Variants in GOLGA5 observed in about 807,000 individuals in gnomAD.
GOLGA5 encodes the protein golgin subfamily A member 5.
Under a neutral mutation model 93.5 loss-of-function variants are expected in GOLGA5, and 50 were observed. The observed-to-expected ratio is 0.53, with a 90% CI of 0.43 to 0.68. The LOEUF (loss-of-function observed/expected upper bound fraction) is 0.68. Among genes scored for constraint, GOLGA5 ranks in the 30% least tolerant of loss-of-function variants. The probability of loss-of-function intolerance (pLI) is 0.00; values close to 1 mark genes in which losing one functional copy is unlikely to be tolerated. For synonymous variants in GOLGA5, 312 were observed against 304.5 expected, an observed-to-expected ratio of 1.02 and a Z score of -0.26; for missense variants, 760 against 856.4, an observed-to-expected ratio of 0.89 and a Z score of 1.40.
In GOLGA5 at chr14:92,824,630, A is replaced by G; in HGVS notation, c.1705A>G (p.Lys569Glu). ...RIKDRDEEIQ[K>E]LRNQLTNKTL... ...TAAAGATCGAGACGAAGAAATTCAA[A>G]AACTCAGGAATCAGGTATGAATCAC... Residue 569 changes from lysine to glutamate, a missense_variant, in exon 9 of 13, where the codon AAA becomes GAA. Transcript: ENST00000163416. 1 of 1,572,884 alleles carries G rather than the reference A, an allele frequency of 6.4e-7. No homozygotes were observed. Among genetic ancestry groups the G allele is most frequent in the Non-Finnish European group, 8.7e-7 (1 of 1,144,856 alleles).
intron 4 of GOLGA5, 22 bp downstream of exon 4, chr14:92,809,541 GA>G (rs1371924197): frequency 4.2e-6 from 6 of 1,435,692 alleles, no homozygotes; most frequent in South Asian, 1.2e-5. Context: ...TATGAATAAT[GA>G]AAAAAATGAG....
rs116471373 is a variant in GOLGA5, at chr14:92,838,880, C to T, written c.2116-486C>T. Among the ~76,000 whole-genome samples, 327 of 152,174 alleles carry T rather than the reference C, an allele frequency of 2.1e-3. 2 individuals carry two copies. Among genetic ancestry groups the T allele is most frequent in the African/African-American group, 7.3e-3 (304 of 41,534 alleles). ...TTAGTGATGGAATCTCGTATCATTT[C>T]GGTACTACCATGAGGGAATTAAATT... On this transcript the variant is annotated intron_variant, in intron 12 of 12. Transcript: ENST00000163416.
chr14:92,818,286 C>T (rs998069835), intron 7 of GOLGA5, among the ~76,000 whole-genome samples: 14 of 152,166 alleles, frequency 9.2e-5, no homozygotes, highest in Admixed American at 9.2e-4. Flanking sequence ...ACGTATGTTC[C>T]AGATACTGCA....
In GOLGA5 at chr14:92,824,893, C is replaced by T. The variant is rs1405331076; in HGVS notation, c.1719+249C>T. The stretch of plus-strand genomic sequence containing the variant: ...AAGTCACGAAGTAGATGAGAATTAC[C>T]CCGAAATTTCAGACCTTTGACATCA... On this transcript the variant is annotated intron_variant, in intron 9 of 12. Coordinates refer to ENST00000163416, the MANE Select transcript of GOLGA5 (RefSeq NM_005113.4). 5.3e-5 allele frequency among the ~76,000 whole-genome samples: 8 copies of T among 152,140 alleles called. 1 individual carries two copies. The Middle Eastern group carries it at 0.01, about 194-fold the overall frequency.
intron 6 of GOLGA5, 23 bp from the exon 7 acceptor site, chr14:92,816,228 A>G (rs746481662): frequency 1.3e-6 from 2 of 1,537,620 alleles, no homozygotes; most frequent in Non-Finnish European, 1.8e-6. Context: ...CTTTGCTTAA[A>G]CATATTTCTT....
intron 2 of GOLGA5, among the ~76,000 whole-genome samples, chr14:92,803,915 T>C (rs1884927667): frequency 6.6e-6 from 1 of 152,212 alleles, no homozygotes; most frequent in Non-Finnish European, 1.5e-5. Flanking sequence ...TTGATAGATT[T>C]CAGTATCTTG....
chr14:92,814,883 T>G (rs1885172067), intron 6 of GOLGA5, among the ~76,000 whole-genome samples: 1 of 152,194 alleles, frequency 6.6e-6, no homozygotes, highest in African/African-American at 2.4e-5. Context: ...TTGTAGGCTA[T>G]GTTGGCTACC....
At chr14:92,827,523 C>T (rs1885447497) in intron 9 of GOLGA5, among the ~76,000 whole-genome samples, 1 of 152,200 alleles carries the variant, frequency 6.6e-6, no homozygotes, top group Non-Finnish European at 1.5e-5. Context: ...TCTCCTCAGG[C>T]CTTTCTAGTC....
chr14:92,798,793 G>A (rs1400336395), intron 2 of GOLGA5, among the ~76,000 whole-genome samples: 1 of 152,162 alleles, frequency 6.6e-6, no homozygotes, highest in Non-Finnish European at 1.5e-5. Flanking sequence ...GTGCATGCCT[G>A]TAGTCTCAGC....
chr14:92,837,797 C>T (rs912038431), intron 12 of GOLGA5, among the ~76,000 whole-genome samples: 4 of 152,064 alleles, frequency 2.6e-5, no homozygotes, highest in African/African-American at 4.8e-5. Context: ...CTTCTGGGCT[C>T]GAGTGATCCT....
chr14:92,822,112 A>G (rs940749119), intron 8 of GOLGA5, among the ~76,000 whole-genome samples: 2 of 152,230 alleles, frequency 1.3e-5, no homozygotes, highest in Non-Finnish European at 2.9e-5. Flanking sequence ...AGTAACACCA[A>G]CCTTAAGTTT....
Position 92,806,295 on chromosome 14 carries a change from T to G in GOLGA5, c.545-441T>G, listed in dbSNP as rs943093686. On this transcript the variant is annotated intron_variant, in intron 2 of 12. Transcript: ENST00000163416. The stretch of plus-strand genomic sequence containing the variant: ...AATGAAATTTAATCAGAGGGAAGAC[T>G]ATTGAAAATTTGTTTATTTATGTAT... 9.2e-5 allele frequency among the ~76,000 whole-genome samples: 14 copies of G among 152,292 alleles called. 1 individual carries two copies. The highest frequency in any genetic ancestry group is 3.1e-4 in the African/African-American group (13 of 41,568).
At chr14:92,814,261 G>A (rs1885158915) in intron 6 of GOLGA5, among the ~76,000 whole-genome samples, 1 of 152,108 alleles carries the variant, frequency 6.6e-6, no homozygotes, top group East Asian at 1.9e-4. Flanking sequence ...GCCTGCAAAA[G>A]AAAAATACTG....
chr14:92,806,783 T>G lies in GOLGA5; in HGVS notation c.592T>G (p.Ser198Ala). ...TAGCCATGAAGGTCAAGAGGAATCTTCAAAGGAAAATGTGTCATCAAATGC... is the reference window on the plus strand; with the variant it reads ...TAGCCATGAAGGTCAAGAGGAATCTGCAAAGGAAAATGTGTCATCAAATGC... Reference protein sequence around the residue: ...DSSHEGQEESSKENVSSNAAC... With the variant: ...DSSHEGQEESAKENVSSNAAC... Residue 198 changes from serine (S) to alanine (A), a missense_variant, in exon 3 of 13, where the codon TCA becomes GCA. Transcript: ENST00000163416. The G allele has an allele frequency of 6.2e-7, 1 of 1,614,020 alleles. No individual in the cohort carries two copies. The highest frequency in any genetic ancestry group is 8.5e-7 in the Non-Finnish European group (1 of 1,179,920).
chr14:92,809,051 C>G (rs1279447542), intron 3 of GOLGA5, among the ~76,000 whole-genome samples: 1 of 152,142 alleles, frequency 6.6e-6, no homozygotes, highest in East Asian at 1.9e-4. Flanking sequence ...GATGCTTTAT[C>G]ATATAGAAAC....
In GOLGA5 at chr14:92,797,775, G is replaced by C; in HGVS notation, c.338G>C (p.Arg113Thr). Residue 113 changes from arginine (R) to threonine (T), a missense_variant, in exon 2 of 13, where the codon AGA becomes ACA. Coordinates refer to ENST00000163416, the MANE Select transcript of GOLGA5 (RefSeq NM_005113.4). ...AGGCCTTCATCCCATTTTGTGCGAA[G>C]AAAAAAGTCAGAACCTGATGATGAG... is the stretch of plus-strand genomic sequence containing the variant. ...VPRPSSHFVR[R>T]KKSEPDDELL... 1 of 1,613,358 alleles carries C rather than the reference G, an allele frequency of 6.2e-7. No homozygotes were observed. The highest frequency in any genetic ancestry group is 8.5e-7 in the Non-Finnish European group (1 of 1,179,802).
intron 9 of GOLGA5, among the ~76,000 whole-genome samples, chr14:92,828,756 C>G (rs989039515): frequency 6.6e-5 from 10 of 152,116 alleles, no homozygotes; most frequent in African/African-American, 2.4e-4. Flanking sequence ...GCAACCTCTG[C>G]CTCTTGGGTT....
chr14:92,839,809 TAAA>T lies in GOLGA5; in HGVS notation c.*366_*368del, dbSNP rs533739687. On this transcript the variant is annotated 3_prime_UTR_variant, in exon 13 of 13. Coordinates refer to ENST00000163416, the MANE Select transcript of GOLGA5 (RefSeq NM_005113.4). ...AACTAATTGTATTTAGTGACAAAAA[TAAA>T]AAGTTTTTTTTTATAATTCAGTCTG... 8 of 145,506 alleles carry T rather than the reference TAAA, an allele frequency of 5.5e-5. No individual in the cohort carries two copies. The highest frequency in any genetic ancestry group is 1.7e-4 in the African/African-American group (2 of 11,806). The allele number at this position is 145,506 out of a possible 1,614,324, so 9.0% of individuals were successfully genotyped here.
intron 9 of GOLGA5, among the ~76,000 whole-genome samples, chr14:92,826,712 GAAAAA>G (rs888851958): frequency 8.5e-4 from 125 of 146,842 alleles, no homozygotes; most frequent in African/African-American, 3.0e-3. Context: ...AAAAAAAAAA[GAAAAA>G]AAAGAAAATT....
Sources: allele counts gnomAD v4.1 joint callset (sites outside exome capture counted in the v4.1 genomes callset), GRCh38; gene constraint gnomAD v4.1.1; transcripts MANE v1.5; gene names NCBI Gene and HGNC (gene_info 2026-07-23, HGNC 2026-07-21).